The following MDM4 variants were observed in gnomAD, a reference collection of about 807,000 sequenced individuals.
MDM4 encodes the protein MDM4 regulator of p53.
In MDM4, 2 loss-of-function variants were observed where a neutral mutation model predicts 60.2. That is an observed-to-expected ratio of 0.03 (90% CI 0.01 to 0.10). The LOEUF (loss-of-function observed/expected upper bound fraction) is 0.10, where lower values mean the gene tolerates loss of function less well. Among genes scored for constraint, MDM4 ranks in the 10% least tolerant of loss-of-function variants. The pLI is 1.00. For missense variants in MDM4, 447 were observed against 577.5 expected (o/e 0.77, Z 2.32); for synonymous variants, 202 against 198.1 (o/e 1.02, Z -0.17).
rs561149053 is a variant in MDM4 at position 204,551,034 on chromosome 1, TTTTTG to T, written c.*1372_*1376del. 3.3e-3 allele frequency: 619 copies of T among 186,206 alleles called. 3 individuals carry two copies. The highest frequency in any genetic ancestry group is 0.014 in the African/African-American group (580 of 42,620). The allele number at this position is 186,206 out of a possible 1,614,324, so 11.5% of individuals were successfully genotyped here. A position where few individuals can be genotyped will look rare whatever the true frequency, so the allele number is the denominator to read the frequency against. ...CTGGCACAGCCTTCAGAAGCATCAG[TTTTTG>T]TTTTGTTTTGTTTTGTTTTTTGAGA... On this transcript the variant is annotated 3_prime_UTR_variant, in exon 11 of 11. Transcript: ENST00000367182.
chr1:204,535,565 G>A (rs539951068), intron 5 of MDM4, among the ~76,000 whole-genome samples: 6 of 152,028 alleles, frequency 3.9e-5, no homozygotes, highest in East Asian at 1.9e-4. Context: ...ACTGAGTCTC[G>A]CTTTGTCGAC....
intron 3 of MDM4, 62 bp from the exon 4 acceptor site, chr1:204,530,622 A>G: frequency 6.3e-7 from 1 of 1,594,532 alleles, no homozygotes; most frequent in Non-Finnish European, 8.6e-7. Flanking sequence ...TACCTCCTCT[A>G]ATGAATTTGT....
At chr1:204,532,656 C>A in intron 5 of MDM4, 2 of 1,075,848 alleles carry the variant, frequency 1.9e-6, no homozygotes, top group African/African-American at 1.6e-5. Context: ...TTTTGTCTTA[C>A]TTGAATTAGG....
At chr1:204,528,825 C>T in intron 3 of MDM4, 1 of 1,479,760 alleles carries the variant, frequency 6.8e-7, no homozygotes, top group Non-Finnish European at 9.4e-7. Flanking sequence ...GTGCACTCCA[C>T]TCTCCACAGA....
intron 1 of MDM4, among the ~76,000 whole-genome samples, chr1:204,517,809 T>C (rs1483054567): frequency 6.6e-6 from 1 of 152,136 alleles, no homozygotes; most frequent in East Asian, 1.9e-4. Flanking sequence ...TGGTGTTAAG[T>C]ATTACTGTAT....
rs1220042658 is a variant in MDM4, at chr1:204,532,533, C to G, written c.343+287C>G. On this transcript the variant is annotated intron_variant, in intron 5 of 10. Transcript: ENST00000367182. ...TCTAGCAGATAAGGACTTTTTTCTCCAAACATTCAATATCATTATTACACA... is the reference window on the plus strand; with the variant it reads ...TCTAGCAGATAAGGACTTTTTTCTCGAAACATTCAATATCATTATTACACA... The G allele has an allele frequency of 2.5e-5, 14 of 551,316 alleles. No individual in the cohort carries two copies. In the Admixed American group the frequency reaches 3.7e-4, roughly 14 times the overall value. 34.2% of individuals were successfully genotyped at this position (551,316 alleles called of 1,614,324 possible). A position where few individuals can be genotyped will look rare whatever the true frequency, so the allele number is the denominator to read the frequency against.
intron 2 of MDM4, 150 bp from the exon 3 acceptor site, chr1:204,526,210 C>T: frequency 1.6e-6 from 1 of 626,194 alleles, no homozygotes. Context: ...GACCTGTGAT[C>T]ACACCACTGC....
intron 8 of MDM4, 86 bp from the exon 9 acceptor site, chr1:204,544,449 A>AT: frequency 7.5e-7 from 1 of 1,339,068 alleles, no homozygotes; most frequent in African/African-American, 1.5e-5. Flanking sequence ...GTGTGACGAC[A>AT]TTGAGTTTTG....
chr1:204,523,178 AT>A (rs1236265511), intron 1 of MDM4, among the ~76,000 whole-genome samples: 11 of 148,036 alleles, frequency 7.4e-5, no homozygotes, highest in Non-Finnish European at 1.3e-4. Flanking sequence ...TCTTAAAAAA[AT>A]TTTTTTTTGT....
intron 8 of MDM4, among the ~76,000 whole-genome samples, chr1:204,544,254 C>T (rs1334710959): frequency 6.6e-6 from 1 of 152,206 alleles, no homozygotes; most frequent in Non-Finnish European, 1.5e-5. Context: ...ACTACAAGTC[C>T]TTACCTTTTA....
chr1:204,520,107 C>T (rs909578048), intron 1 of MDM4, among the ~76,000 whole-genome samples: 1 of 151,866 alleles, frequency 6.6e-6, no homozygotes, highest in Non-Finnish European at 1.5e-5. Flanking sequence ...GAAACCCCGT[C>T]TCTACTAAAA....
In MDM4 at chr1:204,532,188, C is replaced by T. The variant is rs374242033; in HGVS notation, c.288-3C>T. ...TTAATTTTTTATCTTCTCTCTTTAA[C>T]AGCCCTCTCTATGATATGCTAAGAA... On this transcript the variant is annotated splice_polypyrimidine_tract_variant and splice_region_variant and intron_variant, in intron 4 of 10. Coordinates refer to ENST00000367182, the MANE Select transcript of MDM4 (RefSeq NM_002393.5). 2.5e-6 allele frequency: 4 copies of T among 1,585,780 alleles called. No homozygotes were observed. Among genetic ancestry groups the T allele is most frequent in the Non-Finnish European group, 3.5e-6 (4 of 1,155,508 alleles).
intron 1 of MDM4, among the ~76,000 whole-genome samples, chr1:204,517,174 G>A (rs1001056829): frequency 5.9e-5 from 9 of 151,806 alleles, no homozygotes; most frequent in Non-Finnish European, 1.2e-4. Flanking sequence ...ATCCGTGGGC[G>A]GGGGTTGCAG....
At chr1:204,548,732 A>G (rs1188165007) in intron 10 of MDM4, among the ~76,000 whole-genome samples, 1 of 152,194 alleles carries the variant, frequency 6.6e-6, no homozygotes, top group East Asian at 1.9e-4. Flanking sequence ...GAAAAGAATG[A>G]CAGAGTATTC....
At chr1:204,530,432 T>G (rs1660751241) in intron 3 of MDM4, among the ~76,000 whole-genome samples, 1 of 152,218 alleles carries the variant, frequency 6.6e-6, no homozygotes, top group Non-Finnish European at 1.5e-5. Flanking sequence ...TTCACTGCTT[T>G]TTCTCATTGT....
At chr1:204,537,519 T>G in intron 6 of MDM4, 22 bp downstream of exon 6, 1 of 1,583,762 alleles carries the variant, frequency 6.3e-7, no homozygotes, top group Non-Finnish European at 8.7e-7. Context: ...ACACGGTGAC[T>G]TCTTTTGTTG....
chr1:204,534,266 T>C (rs891949947), intron 5 of MDM4, among the ~76,000 whole-genome samples: 1 of 152,240 alleles, frequency 6.6e-6, no homozygotes, highest in Non-Finnish European at 1.5e-5. Context: ...ACGGCAGCTT[T>C]ATTGAAATTC....
At chr1:204,516,998 A>G (rs376740359) in intron 1 of MDM4, among the ~76,000 whole-genome samples, 2 of 152,088 alleles carry the variant, frequency 1.3e-5, no homozygotes, top group East Asian at 3.9e-4. Flanking sequence ...CCAGCACTTC[A>G]GGAGGCCGAG....
intron 3 of MDM4, among the ~76,000 whole-genome samples, chr1:204,527,875 T>G (rs1255111493): frequency 6.6e-6 from 1 of 151,966 alleles, no homozygotes; most frequent in African/African-American, 2.4e-5. Context: ...TTTTTTTTTT[T>G]TCGAACTTAA....
Sources: gnomAD v4.1 joint callset for allele counts (sites outside exome capture counted in the v4.1 genomes callset) on GRCh38, gnomAD v4.1.1 for gene constraint, MANE v1.5 for transcripts, NCBI Gene and HGNC (gene_info 2026-07-23, HGNC 2026-07-21) for gene names.